The following RAPGEF2 variants were observed in gnomAD, a reference collection of about 807,000 sequenced individuals.
RAPGEF2 encodes the protein Rap guanine nucleotide exchange factor 2.
RAPGEF2 carries 54 observed loss-of-function variants against 186.7 expected under a neutral mutation model. The observed-to-expected ratio is 0.29, with a 90% CI of 0.23 to 0.36. The LOEUF (loss-of-function observed/expected upper bound fraction) is 0.36, where lower values mean the gene tolerates loss of function less well. Ranked by LOEUF, RAPGEF2 falls within the 10% of genes least tolerant of loss-of-function variation. RAPGEF2 has a pLI of 1.00. For synonymous variants in RAPGEF2, 712 were observed against 705.9 expected, an observed-to-expected ratio of 1.01 and a Z score of -0.14; for missense variants, 1,532 against 2,045.0, an observed-to-expected ratio of 0.75 and a Z score of 4.84.
intron 1 of RAPGEF2, among the ~76,000 whole-genome samples, chr4:159,121,333 C>G (rs974408824): frequency 6.6e-6 from 1 of 151,134 alleles, no homozygotes; most frequent in Non-Finnish European, 1.5e-5. Flanking sequence ...CCTCTCCCCT[C>G]CCCTCCCCTC....
chr4:159,159,072 G>T (rs1000128129), intron 1 of RAPGEF2, among the ~76,000 whole-genome samples: 1 of 152,050 alleles, frequency 6.6e-6, no homozygotes, highest in East Asian at 1.9e-4. Context: ...AACTGTCCCA[G>T]AATCTTACAG....
chr4:159,193,269 T>C lies in RAPGEF2; in HGVS notation c.197+13T>C, dbSNP rs1421547676. On this transcript the variant is annotated intron_variant, in intron 3 of 29. Coordinates refer to ENST00000691494, the MANE Select transcript of RAPGEF2 (RefSeq NM_001394067.2). ...AAGTTTTATACTAGTAGGTGTTTCCTTTTTGTTTGTACAATGTATCTAATC... is the reference window on the plus strand; with the variant it reads ...AAGTTTTATACTAGTAGGTGTTTCCCTTTTGTTTGTACAATGTATCTAATC... 2 of 1,463,978 alleles carry C rather than the reference T, an allele frequency of 1.4e-6. No individual in the cohort carries two copies. The highest frequency in any genetic ancestry group is 2.8e-5 in the South Asian group (2 of 72,644). The allele number at this position is 1,463,978 out of a possible 1,614,324, so 90.7% of individuals were successfully genotyped here. A position where few individuals can be genotyped will look rare whatever the true frequency, so the allele number is the denominator to read the frequency against.
At chr4:159,171,418 G>A (rs565257744) in intron 1 of RAPGEF2, among the ~76,000 whole-genome samples, 2 of 152,298 alleles carry the variant, frequency 1.3e-5, no homozygotes, top group African/African-American at 4.8e-5. Context: ...GCCACAGAGA[G>A]GTTGAGTGAC....
intron 3 of RAPGEF2, among the ~76,000 whole-genome samples, chr4:159,202,074 G>A (rs539523502): frequency 6.6e-6 from 1 of 152,166 alleles, no homozygotes; most frequent in Non-Finnish European, 1.5e-5. Context: ...CAGTTGTGCC[G>A]AACCTGTCTC....
At chr4:159,228,344 TGAA>T (rs1385486029) in intron 4 of RAPGEF2, 1 of 152,228 alleles carries the variant, frequency 6.6e-6, no homozygotes, top group East Asian at 1.9e-4. Context: ...TCAAAGATAC[TGAA>T]GACAGTGCAG....
intron 2 of RAPGEF2, 119 bp from the exon 3 acceptor site, chr4:159,193,081 T>C: frequency 9.0e-6 from 4 of 445,150 alleles, no homozygotes; most frequent in Middle Eastern, 1.0e-3. Context: ...TAATAAATGA[T>C]TGTGACAAAC....
chr4:159,248,384 G>A (rs1322023116), intron 7 of RAPGEF2, among the ~76,000 whole-genome samples: 1 of 152,186 alleles, frequency 6.6e-6, no homozygotes, highest in African/African-American at 2.4e-5. Flanking sequence ...GATGCCTGAT[G>A]CTTTATGTTT....
chr4:159,271,134 AATTTACC>A (rs1758074565), intron 7 of RAPGEF2, among the ~76,000 whole-genome samples: 2 of 152,138 alleles, frequency 1.3e-5, no homozygotes, highest in African/African-American at 2.4e-5. Flanking sequence ...CTCTTTACTC[AATTTACC>A]AACTGTTGTG....
At chr4:159,110,264 G>A (rs947963391) in intron 1 of RAPGEF2, among the ~76,000 whole-genome samples, 3 of 152,026 alleles carry the variant, frequency 2.0e-5, no homozygotes, top group Admixed American at 2.0e-4. Context: ...TACATTCTGG[G>A]AATCTAGTTT....
At chr4:159,252,068 A>T (rs954437309) in intron 7 of RAPGEF2, among the ~76,000 whole-genome samples, 1 of 152,060 alleles carries the variant, frequency 6.6e-6, no homozygotes, top group African/African-American at 2.4e-5. Context: ...AAGAACTGTA[A>T]CATTCACCGT....
At chr4:159,188,269 A>G (rs1009758834) in intron 2 of RAPGEF2, among the ~76,000 whole-genome samples, 23 of 152,242 alleles carry the variant, frequency 1.5e-4, no homozygotes, top group African/African-American at 5.5e-4. Flanking sequence ...CACATGTAAT[A>G]TTTAGATATA....
At chr4:159,198,326 CTT>C (rs1749010272) in intron 3 of RAPGEF2, among the ~76,000 whole-genome samples, 2 of 65,344 alleles carry the variant, frequency 3.1e-5, no homozygotes, top group African/African-American at 1.3e-4. Context: ...TTCTTTCTTT[CTT>C]TCTTTCTTTT....
chr4:159,169,850 C>T (rs1745716150), intron 1 of RAPGEF2, among the ~76,000 whole-genome samples: 1 of 152,108 alleles, frequency 6.6e-6, no homozygotes, highest in Non-Finnish European at 1.5e-5. Context: ...CGTATCTCAG[C>T]TGTTGTGAAT....
chr4:159,121,485 G>C (rs1255072822), intron 1 of RAPGEF2, among the ~76,000 whole-genome samples: 1 of 151,962 alleles, frequency 6.6e-6, no homozygotes, highest in Non-Finnish European at 1.5e-5. Flanking sequence ...TCCCACCTCA[G>C]CCTCTGAATA....
chr4:159,315,221 C>T (rs928800605), intron 9 of RAPGEF2, among the ~76,000 whole-genome samples: 4 of 151,886 alleles, frequency 2.6e-5, no homozygotes, highest in Non-Finnish European at 4.4e-5. Flanking sequence ...AAGGAGACAG[C>T]AAAATGTCAG....
intron 7 of RAPGEF2, among the ~76,000 whole-genome samples, chr4:159,286,218 C>T (rs1226014228): frequency 1.3e-5 from 2 of 152,104 alleles, no homozygotes; most frequent in African/African-American, 2.4e-5. Flanking sequence ...TCTTTGGTTC[C>T]TCAGGTTGCT....
chr4:159,274,005 C>G (rs1361843204), intron 7 of RAPGEF2, among the ~76,000 whole-genome samples: 1 of 151,928 alleles, frequency 6.6e-6, no homozygotes, highest in African/African-American at 2.4e-5. Context: ...TTGGCCTGGC[C>G]GGTCTTGAGC....
At chr4:159,191,351 T>G (rs1748098099) in intron 2 of RAPGEF2, among the ~76,000 whole-genome samples, 1 of 152,066 alleles carries the variant, frequency 6.6e-6, no homozygotes, top group South Asian at 2.1e-4. Flanking sequence ...TGATAACAAG[T>G]TGGATGCTGA....
chr4:159,105,985 A>C (rs960097743), intron 1 of RAPGEF2, among the ~76,000 whole-genome samples: 1 of 152,238 alleles, frequency 6.6e-6, no homozygotes, highest in African/African-American at 2.4e-5. Context: ...GGGGCGGGTC[A>C]CCAAACAAGA....
Sources: allele counts gnomAD v4.1 joint callset (sites outside exome capture counted in the v4.1 genomes callset), GRCh38; gene constraint gnomAD v4.1.1; transcripts MANE v1.5; gene names NCBI Gene and HGNC (gene_info 2026-07-23, HGNC 2026-07-21).